LRFN2: variants seen among roughly 807,000 people sequenced by gnomAD.
The protein encoded by LRFN2 is leucine rich repeat and fibronectin type III domain containing 2.
LRFN2 carries 18 observed loss-of-function variants against 37.3 expected under a neutral mutation model. The ratio of observed to expected loss-of-function variants is 0.48; its 90% CI spans 0.33 to 0.72. The LOEUF (loss-of-function observed/expected upper bound fraction) is 0.72, where lower values mean the gene tolerates loss of function less well. LRFN2 is among the 30% of genes least tolerant of loss of function. The pLI, the probability that LRFN2 is intolerant of heterozygous loss-of-function variation, is 0.02. For synonymous variants in LRFN2, 556 were observed against 466.6 expected, an observed-to-expected ratio of 1.19 and a Z score of -2.47; for missense variants, 1,006 against 1,060.7, an observed-to-expected ratio of 0.95 and a Z score of 0.72.
intron 1 of LRFN2, among the ~76,000 whole-genome samples, chr6:40,453,513 AACACACACACACAC>A (rs5875719): frequency 7.5e-5 from 9 of 119,798 alleles, no homozygotes; most frequent in Admixed American, 1.6e-4. Flanking sequence ...CCCCAAGCCA[AACACACACACACAC>A]ACACACACAC....
chr6:40,439,258 G>A (rs1478955780), intron 1 of LRFN2, among the ~76,000 whole-genome samples: 2 of 152,184 alleles, frequency 1.3e-5, no homozygotes, highest in Admixed American at 6.5e-5. Flanking sequence ...GCCTGTCTCC[G>A]CTTCAGGTAA....
intron 1 of LRFN2, among the ~76,000 whole-genome samples, chr6:40,562,611 C>T (rs1162991786): frequency 6.6e-6 from 1 of 152,152 alleles, no homozygotes; most frequent in Non-Finnish European, 1.5e-5. Flanking sequence ...CCCTCTGCTG[C>T]TCTGAAAACT....
intron 1 of LRFN2, among the ~76,000 whole-genome samples, chr6:40,451,903 C>T (rs1376206814): frequency 6.6e-6 from 1 of 152,170 alleles, no homozygotes; most frequent in East Asian, 1.9e-4. Flanking sequence ...TGACACCTTT[C>T]CAGATTAGGA....
rs140164561 is a variant in LRFN2 at position 40,577,122 on chromosome 6, T to A, written c.-19+9819A>T. Among the ~76,000 whole-genome samples the A allele has an allele frequency of 4.1e-3, 616 of 150,672 alleles. 25 individuals carry two copies. The highest frequency in any genetic ancestry group is 0.01 in the Middle Eastern group (3 of 292). ...TCTTTTCCTTTCTTTTCTTTTTAGATATGGAGTCTCGCTGTCTCACCCAGG... is the reference window on the plus strand; with the variant it reads ...TCTTTTCCTTTCTTTTCTTTTTAGAAATGGAGTCTCGCTGTCTCACCCAGG... On this transcript the variant is annotated intron_variant, in intron 1 of 2. Coordinates refer to ENST00000338305, the MANE Select transcript of LRFN2 (RefSeq NM_020737.3).
At chr6:40,522,680 C>T (rs752810344) in intron 1 of LRFN2, among the ~76,000 whole-genome samples, 14 of 152,144 alleles carry the variant, frequency 9.2e-5, no homozygotes, top group Non-Finnish European at 1.5e-4. Context: ...AGGGCCCTGG[C>T]CTGCCCCCTA....
At chr6:40,487,728 C>T (rs781014061) in intron 1 of LRFN2, among the ~76,000 whole-genome samples, 6 of 152,218 alleles carry the variant, frequency 3.9e-5, no homozygotes, top group Non-Finnish European at 7.3e-5. Context: ...TAAAAAGATA[C>T]ATGTCAGGAT....
intron 1 of LRFN2, among the ~76,000 whole-genome samples, chr6:40,461,847 G>A (rs1219256064): frequency 6.6e-6 from 1 of 152,138 alleles, no homozygotes; most frequent in Admixed American, 6.6e-5. Context: ...CACTCTATTA[G>A]TCACTACCTG....
At chr6:40,425,102 A>C (rs1241267688) in intron 2 of LRFN2, among the ~76,000 whole-genome samples, 1 of 152,188 alleles carries the variant, frequency 6.6e-6, no homozygotes, top group African/African-American at 2.4e-5. Flanking sequence ...TGCAAAACTC[A>C]GTAGGGTGGT....
At chr6:40,515,120 A>T (rs1765825362) in intron 1 of LRFN2, among the ~76,000 whole-genome samples, 1 of 152,192 alleles carries the variant, frequency 6.6e-6, no homozygotes, top group Non-Finnish European at 1.5e-5. Context: ...TTTTTACTGT[A>T]GTCTTACTTT....
intron 1 of LRFN2, among the ~76,000 whole-genome samples, chr6:40,513,155 G>A (rs987133542): frequency 2.6e-5 from 4 of 152,130 alleles, no homozygotes; most frequent in South Asian, 4.2e-4. Context: ...CTGCAAGCTC[G>A]AGTGTTCAAT....
At chr6:40,443,985 C>T (rs1026875943) in intron 1 of LRFN2, among the ~76,000 whole-genome samples, 1 of 152,132 alleles carries the variant, frequency 6.6e-6, no homozygotes, top group Non-Finnish European at 1.5e-5. Context: ...AGGGAGCTGG[C>T]CAAGGGAATT....
At chr6:40,499,423 G>A (rs1222681543) in intron 1 of LRFN2, among the ~76,000 whole-genome samples, 8 of 151,970 alleles carry the variant, frequency 5.3e-5, no homozygotes, top group East Asian at 3.9e-4. Context: ...TAACTTGGCC[G>A]TAAAAATGTG....
At chr6:40,407,387 A>G (rs1219682665) in intron 2 of LRFN2, among the ~76,000 whole-genome samples, 1 of 152,216 alleles carries the variant, frequency 6.6e-6, no homozygotes, top group Admixed American at 6.5e-5. Context: ...GTGACTGTAG[A>G]CCATGTGACT....
chr6:40,460,128 C>T (rs995915867), intron 1 of LRFN2, among the ~76,000 whole-genome samples: 2 of 152,226 alleles, frequency 1.3e-5, no homozygotes, highest in African/African-American at 4.8e-5. Context: ...CATGTGGACT[C>T]TTGTGGAGTC....
chr6:40,430,158 G>A (rs1458253150), intron 2 of LRFN2, among the ~76,000 whole-genome samples: 1 of 152,066 alleles, frequency 6.6e-6, no homozygotes, highest in Admixed American at 6.6e-5. Context: ...GGTAACTTCC[G>A]ATGCTGCTTT....
rs930498211 is a variant in LRFN2, at chr6:40,555,827, C to G, written c.-19+31114G>C. On this transcript the variant is annotated intron_variant, in intron 1 of 2. Coordinates refer to ENST00000338305, the MANE Select transcript of LRFN2 (RefSeq NM_020737.3). The stretch of plus-strand genomic sequence containing the variant: ...CTCTACCTTGCCTCGAAATCCCCAC[C>G]AATGGCCACCCATCCCTCCCCACAC... 2.6e-5 allele frequency among the ~76,000 whole-genome samples: 4 copies of G among 152,234 alleles called. No homozygotes were observed. The South Asian group carries it at 8.3e-4, about 32-fold the overall frequency.
At chr6:40,586,806 A>T (rs1306779422) in intron 1 of LRFN2, 135 bp downstream of exon 1, 3 of 152,286 alleles carry the variant, frequency 2.0e-5, no homozygotes, top group African/African-American at 7.2e-5. Flanking sequence ...CCGCATGAGC[A>T]CCTAGGATGC....
chr6:40,468,642 T>C (rs1229913646), intron 1 of LRFN2, among the ~76,000 whole-genome samples: 2 of 151,616 alleles, frequency 1.3e-5, no homozygotes, highest in African/African-American at 2.4e-5. Flanking sequence ...GGAAAAACAG[T>C]ACCCAGTGAA....
intron 1 of LRFN2, among the ~76,000 whole-genome samples, chr6:40,482,696 C>T (rs904488040): frequency 1.2e-4 from 19 of 152,204 alleles, no homozygotes; most frequent in African/African-American, 7.2e-5. Context: ...TCCCCCACTG[C>T]GCCCTCCTTC....
Sources: gnomAD v4.1 joint callset for allele counts (sites outside exome capture counted in the v4.1 genomes callset) on GRCh38, gnomAD v4.1.1 for gene constraint, MANE v1.5 for transcripts, NCBI Gene and HGNC (gene_info 2026-07-23, HGNC 2026-07-21) for gene names.